The following ARMC9 variants were observed in gnomAD, a reference collection of about 807,000 sequenced individuals.
ARMC9 encodes armadillo repeat containing 9.
A neutral mutation model predicts 107.0 loss-of-function variants in ARMC9; 94 were observed. The observed-to-expected ratio is 0.88, with a 90% CI of 0.74 to 1.04. ARMC9 has a LOEUF of 1.04. Ranked by LOEUF, ARMC9 falls within the 50% of genes least tolerant of loss-of-function variation. The probability of loss-of-function intolerance (pLI) is 0.00; values close to 1 mark genes in which losing one functional copy is unlikely to be tolerated. For synonymous variants in ARMC9, 380 were observed against 396.9 expected, an observed-to-expected ratio of 0.96 and a Z score of 0.51; for missense variants, 942 against 1,030.1, an observed-to-expected ratio of 0.91 and a Z score of 1.17.
In ARMC9 at chr2:231,282,147, C is replaced by T; in HGVS notation, c.1626+14C>T. 6.2e-7 allele frequency: 1 copy of T among 1,613,410 alleles called. No individual in the cohort carries two copies. Among genetic ancestry groups the T allele is most frequent in the South Asian group, 1.1e-5 (1 of 91,054 alleles). ...GCAAGAGCAATGGTAAGAAAGCGTG[C>T]CTGAGAAACATGTGAGCTTCCTTTA... is the stretch of plus-strand genomic sequence containing the variant. On this transcript the variant is annotated intron_variant, in intron 17 of 24. Transcript: ENST00000611582.
At chr2:231,352,866 A>ACCTGTAATC (rs2045164100) in intron 21 of ARMC9, among the ~76,000 whole-genome samples, 8 of 134,956 alleles carry the variant, frequency 5.9e-5, no homozygotes, top group African/African-American at 2.7e-4. Context: ...GGGGGCTCAC[A>ACCTGTAATC]CCAGCCTGGG....
chr2:231,285,420 T>G (rs927163604), intron 17 of ARMC9, among the ~76,000 whole-genome samples: 20 of 150,726 alleles, frequency 1.3e-4, no homozygotes, highest in African/African-American at 4.6e-4. Flanking sequence ...CTGAGGTGGG[T>G]GGATCACCTG....
At chr2:231,345,724 G>A (rs1473334984) in intron 21 of ARMC9, among the ~76,000 whole-genome samples, 12 of 152,170 alleles carry the variant, frequency 7.9e-5, no homozygotes, top group Non-Finnish European at 1.8e-4. Context: ...TTCCTGTCTA[G>A]AGAGAATATT....
chr2:231,361,262 G>C (rs1387530923), intron 23 of ARMC9, among the ~76,000 whole-genome samples: 6 of 152,060 alleles, frequency 3.9e-5, no homozygotes, highest in Admixed American at 3.9e-4. Flanking sequence ...TGGAGAAGGA[G>C]GTGAGTAAAT....
intron 19 of ARMC9, among the ~76,000 whole-genome samples, chr2:231,315,487 C>T (rs1388982431): frequency 1.3e-5 from 2 of 152,006 alleles, no homozygotes; most frequent in Admixed American, 6.6e-5. Context: ...TACAGTGAGC[C>T]GAGATTGTGC....
At chr2:231,213,379 G>A (rs1460800519) in intron 3 of ARMC9, among the ~76,000 whole-genome samples, 2 of 151,602 alleles carry the variant, frequency 1.3e-5, no homozygotes, top group African/African-American at 4.8e-5. Flanking sequence ...GTCCAGGCTC[G>A]TCTTGAGCTC....
chr2:231,337,614 C>A lies in ARMC9; in HGVS notation c.1878+5717C>A, dbSNP rs574225608. Among the ~76,000 whole-genome samples the A allele has an allele frequency of 3.4e-5, 5 of 149,018 alleles. No homozygotes were observed. The South Asian group carries it at 1.1e-3, about 31-fold the overall frequency. ...CCTCCCAAGTAGCTGGGACTACAGGCGCCCGCCACTACGCCCGGCTAGTTT... is the reference window on the plus strand; with the variant it reads ...CCTCCCAAGTAGCTGGGACTACAGGAGCCCGCCACTACGCCCGGCTAGTTT... On this transcript the variant is annotated intron_variant, in intron 20 of 24. Transcript: ENST00000611582.
chr2:231,214,966 G>A lies in ARMC9; in HGVS notation c.313G>A (p.Ala105Thr), dbSNP rs1239538418. The change falls in exon 4 of 25, where the codon GCC (alanine) becomes ACC (threonine). Residue 105 changes from alanine (A) to threonine (T), a missense_variant. Coordinates refer to ENST00000611582, the MANE Select transcript of ARMC9 (RefSeq NM_001352754.2). ...KLEFYLHIHF[A>T]IYLLKYSVGR... ...GGAATTCTATCTCCACATCCATTTT[G>A]CCATCTATCTTTTGAAGTACTCTGT... The A allele has an allele frequency of 1.2e-6, 2 of 1,613,982 alleles. No homozygotes were observed. The highest frequency in any genetic ancestry group is 1.7e-6 in the Non-Finnish European group (2 of 1,180,012).
chr2:231,230,347 C>G (rs2035093913), intron 7 of ARMC9, among the ~76,000 whole-genome samples: 1 of 151,738 alleles, frequency 6.6e-6, no homozygotes, highest in South Asian at 2.1e-4. Context: ...AAGCCAGACT[C>G]CGTCTCAAAA....
chr2:231,375,589 C>T lies in ARMC9; in HGVS notation c.*4054C>T, dbSNP rs992095442. On this transcript the variant is annotated 3_prime_UTR_variant, in exon 25 of 25. Coordinates refer to ENST00000611582, the MANE Select transcript of ARMC9 (RefSeq NM_001352754.2). This position sits in a 1 kb window ranked among gnomAD's most constrained non-coding sequence, Gnocchi z 4.3. Reference sequence around the variant, plus strand: ...AGTGTGTCAGATGTGGAGACATGGTCCCACTGGCTTTCAAGTTGCCATCCA... The same window carrying T: ...AGTGTGTCAGATGTGGAGACATGGTTCCACTGGCTTTCAAGTTGCCATCCA... Among the ~76,000 whole-genome samples the T allele has an allele frequency of 6.6e-6, 1 of 152,166 alleles. No homozygotes were observed. Among genetic ancestry groups the T allele is most frequent in the African/African-American group, 2.4e-5 (1 of 41,436 alleles).
intron 12 of ARMC9, among the ~76,000 whole-genome samples, chr2:231,267,197 G>A (rs966078347): frequency 1.3e-5 from 2 of 152,118 alleles, no homozygotes; most frequent in South Asian, 4.2e-4. Context: ...GAATTGAAAG[G>A]TGGGCCAGGT....
intron 21 of ARMC9, among the ~76,000 whole-genome samples, chr2:231,350,985 G>T (rs2045050166): frequency 1.1e-5 from 1 of 94,612 alleles, no homozygotes; most frequent in African/African-American, 5.2e-5. Context: ...TTGAGACAGA[G>T]TCTCGCTCTG....
At chr2:231,293,157 A>G (rs746133839) in intron 18 of ARMC9, among the ~76,000 whole-genome samples, 1 of 152,180 alleles carries the variant, frequency 6.6e-6, no homozygotes, top group African/African-American at 2.4e-5. Flanking sequence ...TGGAACAGCT[A>G]TAATTCATCC....
intron 23 of ARMC9, among the ~76,000 whole-genome samples, chr2:231,365,445 T>C (rs555644929): frequency 2.8e-4 from 42 of 152,276 alleles, no homozygotes; most frequent in Non-Finnish European, 5.6e-4. Flanking sequence ...ATCCGGCTGC[T>C]AAGCATCACC....
At chr2:231,349,344 A>G (rs191925981) in intron 21 of ARMC9, among the ~76,000 whole-genome samples, 12 of 152,306 alleles carry the variant, frequency 7.9e-5, no homozygotes, top group Admixed American at 2.6e-4. Flanking sequence ...GTCAAACATC[A>G]CACGTTCCCA....
intron 9 of ARMC9, chr2:231,256,218 C>T (rs926438380): frequency 6.5e-6 from 10 of 1,530,924 alleles, no homozygotes; most frequent in Non-Finnish European, 8.9e-6. Context: ...ACGAGCCGAT[C>T]CATCATCCGC....
chr2:231,338,906 G>C (rs1463088645), intron 20 of ARMC9, among the ~76,000 whole-genome samples: 1 of 151,616 alleles, frequency 6.6e-6, no homozygotes, highest in Non-Finnish European at 1.5e-5. Flanking sequence ...TTTCTACCGA[G>C]AAAGAAAAAA....
intron 5 of ARMC9, 143 bp from the exon 6 acceptor site, chr2:231,222,585 G>GT (rs2034255338): frequency 2.0e-6 from 1 of 501,200 alleles, no homozygotes; most frequent in African/African-American, 2.0e-5. Flanking sequence ...CCTAAGACCT[G>GT]TTTTTCACAG....
In ARMC9 at chr2:231,371,665, C is replaced by T. The variant is rs1463472446; in HGVS notation, c.*130C>T. ...AAGACTCTGGGAGCTGAGGGGAGGC[C>T]GGCTCTCCAGGCAGCACCAGAGCAA... On this transcript the variant is annotated 3_prime_UTR_variant, in exon 25 of 25. Transcript: ENST00000611582. 14 of 980,936 alleles carry T rather than the reference C, an allele frequency of 1.4e-5. No individual in the cohort carries two copies. The highest frequency in any genetic ancestry group is 6.8e-5 in the African/African-American group (4 of 59,024). 60.8% of individuals were successfully genotyped at this position (980,936 alleles called of 1,614,324 possible).
Sources: gnomAD v4.1 joint callset for allele counts (sites outside exome capture counted in the v4.1 genomes callset) on GRCh38, gnomAD v4.1.1 for gene constraint, Gnocchi (gnomAD v3.1) non-coding constraint, MANE v1.5 for transcripts, NCBI Gene and HGNC (gene_info 2026-07-23, HGNC 2026-07-21) for gene names.